The following PTPRQ variants were observed in gnomAD, a reference collection of about 807,000 sequenced individuals.
The protein encoded by PTPRQ is protein tyrosine phosphatase receptor type Q, also known as phosphatidylinositol phosphatase PTPRQ.
Under a neutral mutation model 246.0 loss-of-function variants are expected in PTPRQ, and 199 were observed. The ratio of observed to expected loss-of-function variants is 0.81; its 90% CI spans 0.72 to 0.91. The LOEUF (loss-of-function observed/expected upper bound fraction) is 0.91, where lower values mean the gene tolerates loss of function less well. PTPRQ is among the 40% of genes least tolerant of loss of function. The pLI is 0.00. For missense variants in PTPRQ, 2,624 were observed against 2,528.4 expected (o/e 1.04, Z -0.81); for synonymous variants, 869 against 853.2 (o/e 1.02, Z -0.32).
chr12:80,587,948 T>C (rs1459509349), intron 25 of PTPRQ, among the ~76,000 whole-genome samples, 181 bp from the exon 26 acceptor site: 2 of 152,194 alleles, frequency 1.3e-5, no homozygotes, highest in African/African-American at 4.8e-5. Context: ...CCTTTTAAAA[T>C]GATGGTCCCG....
chr12:80,545,077 C>T (rs544254834), intron 23 of PTPRQ, among the ~76,000 whole-genome samples: 2 of 152,198 alleles, frequency 1.3e-5, no homozygotes, highest in South Asian at 2.1e-4. Context: ...TATTATTATG[C>T]CCTCTTGGGT....
intron 29 of PTPRQ, among the ~76,000 whole-genome samples, chr12:80,615,816 C>T (rs1468024110): frequency 4.0e-5 from 6 of 150,886 alleles, no homozygotes; most frequent in African/African-American, 1.5e-4. Flanking sequence ...GAAGGGAGAG[C>T]GTAGATACAG....
At chr12:80,619,249 A>G in intron 30 of PTPRQ, 135 bp from the exon 31 acceptor site, 1 of 1,059,906 alleles carries the variant, frequency 9.4e-7, no homozygotes, top group Non-Finnish European at 1.3e-6. Context: ...GTCTCCAAGC[A>G]CAATTCTCTA....
At chr12:80,499,680 A>G (rs1384168135) in intron 14 of PTPRQ, among the ~76,000 whole-genome samples, 1 of 151,940 alleles carries the variant, frequency 6.6e-6, no homozygotes, top group Non-Finnish European at 1.5e-5. Flanking sequence ...TAAATGCCTT[A>G]TCTTTTTAAG....
intron 43 of PTPRQ, among the ~76,000 whole-genome samples, chr12:80,673,546 A>T (rs1227970984): frequency 6.6e-6 from 1 of 152,134 alleles, no homozygotes; most frequent in Non-Finnish European, 1.5e-5. Context: ...TGTTATACTG[A>T]TAGGCATGTA....
intron 16 of PTPRQ, 36 bp from the exon 17 acceptor site, chr12:80,510,287 T>C (rs572676790): frequency 7.0e-7 from 1 of 1,425,902 alleles, no homozygotes; most frequent in Admixed American, 2.8e-5. Context: ...TATATATGTT[T>C]AATAAAACAC....
At chr12:80,457,210 G>C in intron 3 of PTPRQ, among the ~76,000 whole-genome samples, 1 of 152,018 alleles carries the variant, frequency 6.6e-6, no homozygotes, top group East Asian at 1.9e-4. Context: ...CCATATACAT[G>C]GTCTCTTGCA....
rs573348294 is a variant in PTPRQ at position 80,510,401 on chromosome 12, T to A, written c.2636T>A (p.Leu879Gln). 3.2e-6 allele frequency: 5 copies of A among 1,550,500 alleles called. No homozygotes were observed. In the African/African-American group the frequency reaches 6.8e-5, roughly 21 times the overall value. Residue 879 changes from leucine to glutamine, a missense_variant, in exon 17 of 45, where the codon CTG (leucine) becomes CAG (glutamine). Leu to Gln is a moderately radical substitution (Grantham distance 113, BLOSUM62 -2). Coordinates refer to ENST00000644991, the MANE Select transcript of PTPRQ (RefSeq NM_001145026.2). ...VTVKLSWQPP[L>Q]EPNGIILYYT... is the part of the protein sequence containing the mutation. ...GTGAAGTTGTCATGGCAACCACCCC[T>A]GGAGCCAAATGGAATTATCCTTTAT... is the stretch of plus-strand genomic sequence containing the variant.
At chr12:80,506,544 A>T (rs1243845382) in intron 15 of PTPRQ, 25 bp from the exon 16 acceptor site, 1 of 1,467,142 alleles carries the variant, frequency 6.8e-7, no homozygotes, top group South Asian at 1.3e-5. Context: ...GTAAGTTTCA[A>T]CTTACCTATT....
intron 8 of PTPRQ, among the ~76,000 whole-genome samples, chr12:80,481,767 C>T (rs1375329315): frequency 6.6e-6 from 1 of 152,052 alleles, no homozygotes; most frequent in Non-Finnish European, 1.5e-5. Context: ...AGTGAACTCC[C>T]ATTCACAGTT....
chr12:80,609,451 A>G (rs1407390881), intron 27 of PTPRQ, among the ~76,000 whole-genome samples: 1 of 150,660 alleles, frequency 6.6e-6, no homozygotes, highest in Non-Finnish European at 1.5e-5. Context: ...TGTTTCAATT[A>G]AGATACCTGA....
chr12:80,546,486 A>G lies in PTPRQ; in HGVS notation c.3874-70A>G, dbSNP rs1005392148. ...GTTAAATATAAAAGGAATAACTTCA[A>G]TGAAAATATTCCATTGATGAACAAT... On this transcript the variant is annotated intron_variant, in intron 23 of 44. Transcript: ENST00000644991. 30 of 1,396,488 alleles carry G rather than the reference A, an allele frequency of 2.1e-5. No homozygotes were observed. The Admixed American group carries it at 3.9e-4, about 18-fold the overall frequency. 86.5% of individuals were successfully genotyped at this position (1,396,488 alleles called of 1,614,324 possible).
chr12:80,678,568 A>G (rs185195457), intron 43 of PTPRQ, 34 bp from the exon 44 acceptor site: 6 of 1,520,154 alleles, frequency 3.9e-6, no homozygotes, highest in Admixed American at 2.1e-5. Flanking sequence ...CTTCATCAAT[A>G]TATTTGTTTA....
At chr12:80,469,928 T>A (rs1008880814) in intron 7 of PTPRQ, among the ~76,000 whole-genome samples, 21 of 152,208 alleles carry the variant, frequency 1.4e-4, no homozygotes, top group Non-Finnish European at 1.5e-5. Context: ...TTCAGTATGG[T>A]GGAACATGTG....
chr12:80,449,589 C>A (rs1317031259), intron 3 of PTPRQ, among the ~76,000 whole-genome samples: 8 of 151,898 alleles, frequency 5.3e-5, no homozygotes, highest in Non-Finnish European at 1.2e-4. Context: ...CAGCTTTCTA[C>A]ATATGGCTAG....
At chr12:80,634,323 G>C (rs1484890670) in intron 34 of PTPRQ, among the ~76,000 whole-genome samples, 7 of 152,072 alleles carry the variant, frequency 4.6e-5, no homozygotes, top group Non-Finnish European at 8.8e-5. Context: ...CTGTGTCATG[G>C]AGAAATAAGC....
chr12:80,473,958 C>T (rs1592551918), intron 8 of PTPRQ, among the ~76,000 whole-genome samples: 1 of 152,212 alleles, frequency 6.6e-6, no homozygotes, highest in South Asian at 2.1e-4. Context: ...TGGTGGGTTC[C>T]ACCAAAGGCA....
intron 26 of PTPRQ, among the ~76,000 whole-genome samples, chr12:80,593,998 A>G (rs1441604128): frequency 6.6e-6 from 1 of 152,092 alleles, no homozygotes; most frequent in Non-Finnish European, 1.5e-5. Context: ...CTCATGAGGA[A>G]TTTTAACTAC....
chr12:80,481,413 A>G (rs1281976036), intron 8 of PTPRQ, among the ~76,000 whole-genome samples: 1 of 152,162 alleles, frequency 6.6e-6, no homozygotes, highest in African/African-American at 2.4e-5. Context: ...CCCACAGCCA[A>G]TATCATACTG....
Sources: gnomAD v4.1 joint callset for allele counts (sites outside exome capture counted in the v4.1 genomes callset) on GRCh38, gnomAD v4.1.1 for gene constraint, MANE v1.5 for transcripts, NCBI Gene and HGNC (gene_info 2026-07-23, HGNC 2026-07-21) for gene names.